TNNI3K: variants seen among roughly 807,000 people sequenced by gnomAD.
TNNI3K encodes TNNI3 interacting kinase, also known as serine/threonine-protein kinase TNNI3K.
A neutral mutation model predicts 114.5 loss-of-function variants in TNNI3K; 140 were observed. That is an observed-to-expected ratio of 1.22 (90% CI 1.07 to 1.41). The LOEUF is 1.41. Among genes scored for constraint, TNNI3K ranks in the 40% most tolerant of loss-of-function variants. The pLI is 0.00. For synonymous variants in TNNI3K, 347 were observed against 347.5 expected, an observed-to-expected ratio of 1.00 and a Z score of 0.02; for missense variants, 1,125 against 1,007.6, an observed-to-expected ratio of 1.12 and a Z score of -1.58.
intron 23 of TNNI3K, among the ~76,000 whole-genome samples, chr1:74,539,283 C>G (rs1268593903): frequency 1.3e-5 from 2 of 152,130 alleles, no homozygotes; most frequent in African/African-American, 4.8e-5. Flanking sequence ...CGATGTAATA[C>G]TGGTAACTGA....
intron 17 of TNNI3K, among the ~76,000 whole-genome samples, chr1:74,401,540 C>A (rs1199324724): frequency 1.3e-5 from 2 of 152,088 alleles, no homozygotes; most frequent in African/African-American, 4.8e-5. Flanking sequence ...GCTAAATAAT[C>A]CATACTCCAT....
chr1:74,312,205 T>C (rs1241524476), intron 5 of TNNI3K, among the ~76,000 whole-genome samples: 1 of 152,196 alleles, frequency 6.6e-6, no homozygotes, highest in Non-Finnish European at 1.5e-5. Context: ...TTGTGGAACC[T>C]CTTTTCTGGA....
At chr1:74,341,396 C>T (rs1660738843) in intron 7 of TNNI3K, among the ~76,000 whole-genome samples, 1 of 152,054 alleles carries the variant, frequency 6.6e-6, no homozygotes, top group African/African-American at 2.4e-5. Context: ...AATCATGATC[C>T]TCTTTATTCT....
chr1:74,470,408 C>T lies in TNNI3K; in HGVS notation c.2121+6858C>T, dbSNP rs541070211. On this transcript the variant is annotated intron_variant, in intron 21 of 24. Coordinates refer to ENST00000326637, the MANE Select transcript of TNNI3K (RefSeq NM_015978.3). The stretch of plus-strand genomic sequence containing the variant: ...CCTACTATTTTTATCTCTAGTGCTT[C>T]AGTGCCGTCATTTCTGGGCAATGCA... 2.6e-4 allele frequency: 104 copies of T among 400,702 alleles called. No individual in the cohort carries two copies. In the South Asian group the frequency reaches 5.2e-3, roughly 20 times the overall value. 24.8% of individuals were successfully genotyped at this position (400,702 alleles called of 1,614,324 possible).
At chr1:74,345,469 A>T (rs1660955490) in intron 9 of TNNI3K, among the ~76,000 whole-genome samples, 1 of 152,206 alleles carries the variant, frequency 6.6e-6, no homozygotes. Context: ...CCTTTGGTTC[A>T]TTAGAATACT....
At chr1:74,367,759 G>A in intron 12 of TNNI3K, 149 bp from the exon 13 acceptor site, 1 of 698,804 alleles carries the variant, frequency 1.4e-6, no homozygotes, top group East Asian at 3.1e-5. Flanking sequence ...ATAAACACTT[G>A]CAGTACAATT....
intron 17 of TNNI3K, among the ~76,000 whole-genome samples, chr1:74,376,435 A>G (rs1251467126): frequency 6.6e-6 from 1 of 151,978 alleles, no homozygotes; most frequent in African/African-American, 2.4e-5. Context: ...CCATTGGCAA[A>G]TATCATCTTC....
intron 20 of TNNI3K, among the ~76,000 whole-genome samples, chr1:74,445,603 C>CTTTTTT (rs1234823064): frequency 4.6e-5 from 6 of 131,142 alleles, no homozygotes; most frequent in African/African-American, 1.8e-4. Flanking sequence ...TCCACATTTT[C>CTTTTTT]TTTTTTTTCT....
chr1:74,384,831 T>A (rs1442572762), intron 17 of TNNI3K, among the ~76,000 whole-genome samples: 1 of 152,162 alleles, frequency 6.6e-6, no homozygotes, highest in Non-Finnish European at 1.5e-5. Context: ...ATGTTCAGCT[T>A]CTTAAATATA....
intron 21 of TNNI3K, among the ~76,000 whole-genome samples, chr1:74,488,634 G>A (rs45441298): frequency 5.3e-5 from 8 of 152,164 alleles, no homozygotes; most frequent in South Asian, 2.1e-4. Context: ...AACCAAACTC[G>A]TCTGACACAG....
rs1373501276 is a variant in TNNI3K, at chr1:74,544,045, C to T, written c.*63C>T. 1.7e-5 allele frequency: 27 copies of T among 1,558,116 alleles called. No homozygotes were observed. The highest frequency in any genetic ancestry group is 2.1e-5 in the Non-Finnish European group (24 of 1,146,956). On this transcript the variant is annotated 3_prime_UTR_variant, in exon 25 of 25. Transcript: ENST00000326637. ...GAACTGACAGCAACGATTCCAACCA[C>T]GGCAAGCTGGCTTCCAACTATAACA...
At chr1:74,501,873 G>T (rs535036796) in intron 23 of TNNI3K, among the ~76,000 whole-genome samples, 1 of 151,568 alleles carries the variant, frequency 6.6e-6, no homozygotes, top group East Asian at 1.9e-4. Flanking sequence ...ACTTCTGAGG[G>T]TTATATATAT....
chr1:74,354,187 T>C, intron 11 of TNNI3K, 58 bp downstream of exon 11: 1 of 1,594,338 alleles, frequency 6.3e-7, no homozygotes, highest in Non-Finnish European at 8.6e-7. Flanking sequence ...GCATAGATTA[T>C]GTCAGTGCAT....
intron 21 of TNNI3K, chr1:74,469,208 A>G (rs1409806904): frequency 6.6e-6 from 1 of 152,618 alleles, no homozygotes; most frequent in East Asian, 1.9e-4. Flanking sequence ...TAGTGGATAT[A>G]TAGGATTTTG....
At chr1:74,331,988 G>A (rs1052217375) in intron 6 of TNNI3K, among the ~76,000 whole-genome samples, 4 of 151,832 alleles carry the variant, frequency 2.6e-5, no homozygotes, top group Admixed American at 6.6e-5. Context: ...GATGCTAATG[G>A]CAATAACAAT....
intron 19 of TNNI3K, 105 bp downstream of exon 19, chr1:74,436,631 T>C (rs753460085): frequency 7.0e-4 from 850 of 1,220,462 alleles, no homozygotes; most frequent in Non-Finnish European, 8.8e-4. Flanking sequence ...AGAAATGTCA[T>C]TGTCTCAGTG....
intron 23 of TNNI3K, among the ~76,000 whole-genome samples, chr1:74,527,798 T>C (rs375384010): frequency 1.1e-4 from 17 of 152,206 alleles, no homozygotes; most frequent in Admixed American, 3.3e-4. Flanking sequence ...TCCAAAACCA[T>C]TGGACAGGGC....
At position 74,250,648 on chromosome 1, in the gene TNNI3K, C is replaced by A. The variant is rs200076936; in HGVS notation, c.236-24C>A. The A allele has an allele frequency of 2.5e-6, 4 of 1,604,800 alleles. No homozygotes were observed. The African/African-American group carries it at 4.0e-5, about 16-fold the overall frequency. ...TCACCCCATCCCCACAATGATTTAG[C>A]CTTTTTTCATTTTTCTCTTTAAGGC... On this transcript the variant is annotated intron_variant, in intron 3 of 24. Coordinates refer to ENST00000326637, the MANE Select transcript of TNNI3K (RefSeq NM_015978.3).
intron 17 of TNNI3K, among the ~76,000 whole-genome samples, chr1:74,379,335 GCACA>G (rs59962221): frequency 1.3e-4 from 20 of 150,526 alleles, no homozygotes; most frequent in South Asian, 4.2e-4. Flanking sequence ...ATACACGCGC[GCACA>G]CACACACACA....
Sources: allele counts gnomAD v4.1 joint callset (sites outside exome capture counted in the v4.1 genomes callset), GRCh38; gene constraint gnomAD v4.1.1; transcripts MANE v1.5; gene names NCBI Gene and HGNC (gene_info 2026-07-23, HGNC 2026-07-21).